SLC17A6: variants seen among roughly 807,000 people sequenced by gnomAD.
SLC17A6 encodes the protein vesicular glutamate transporter 2.
A neutral mutation model predicts 67.1 loss-of-function variants in SLC17A6; 35 were observed. That is an observed-to-expected ratio of 0.52 (90% CI 0.40 to 0.69). The LOEUF (loss-of-function observed/expected upper bound fraction) is 0.69. Among genes scored for constraint, SLC17A6 ranks in the 30% least tolerant of loss-of-function variants. SLC17A6 has a pLI of 0.00. For synonymous variants in SLC17A6, 285 were observed against 252.3 expected, an observed-to-expected ratio of 1.13 and a Z score of -1.23; for missense variants, 588 against 723.9, an observed-to-expected ratio of 0.81 and a Z score of 2.15.
intron 3 of SLC17A6, among the ~76,000 whole-genome samples, chr11:22,348,857 C>G (rs1043677444): frequency 6.3e-4 from 96 of 152,176 alleles, no homozygotes; most frequent in African/African-American, 2.1e-3. Context: ...GAATAATTTT[C>G]GAAAGGAGAA....
At chr11:22,368,998 A>C (rs192364020) in intron 7 of SLC17A6, among the ~76,000 whole-genome samples, 53 of 152,140 alleles carry the variant, frequency 3.5e-4, no homozygotes, top group African/African-American at 1.2e-3. Flanking sequence ...GCCACAACCA[A>C]TACTAGCAAT....
At position 22,341,429 on chromosome 11, in the gene SLC17A6, C is replaced by G. The variant is rs1276460675; in HGVS notation, c.87-99C>G. 8 of 1,516,910 alleles carry G rather than the reference C, an allele frequency of 5.3e-6. No homozygotes were observed. In the East Asian group the frequency reaches 1.4e-4, roughly 26 times the overall value. 94.0% of individuals were successfully genotyped at this position (1,516,910 alleles called of 1,614,324 possible). On this transcript the variant is annotated intron_variant, in intron 1 of 11. Transcript: ENST00000263160. ...CGAGGGTGGGGGGAGGTCGACGGCC[C>G]TCCTCCCAACCCCGACGGGTCCTGA...
chr11:22,377,330 G>GA (rs1856242331), intron 11 of SLC17A6, 75 bp from the exon 12 acceptor site: 1 of 1,319,156 alleles, frequency 7.6e-7, no homozygotes, highest in African/African-American at 1.5e-5. Flanking sequence ...CTCAGTGGTG[G>GA]TGCATTCAGA....
chr11:22,366,157 C>A (rs889376369), intron 7 of SLC17A6, among the ~76,000 whole-genome samples: 6 of 151,970 alleles, frequency 3.9e-5, no homozygotes, highest in Non-Finnish European at 5.9e-5. Flanking sequence ...TACATACATA[C>A]CTATGATAAA....
intron 8 of SLC17A6, among the ~76,000 whole-genome samples, chr11:22,374,458 C>T (rs113607332): frequency 1.3e-5 from 2 of 151,580 alleles, no homozygotes; most frequent in Non-Finnish European, 2.9e-5. Flanking sequence ...AGGGTGTATT[C>T]GTGCAAACAC....
In SLC17A6 at chr11:22,374,746, TTTC is replaced by T. The variant is rs1482549808; in HGVS notation, c.1042-8_1042-6del. 1 of 1,580,506 alleles carries T rather than the reference TTTC, an allele frequency of 6.3e-7. No homozygotes were observed. Among genetic ancestry groups the T allele is most frequent in the Non-Finnish European group, 8.6e-7 (1 of 1,165,684 alleles). On this transcript the variant is annotated splice_region_variant and splice_polypyrimidine_tract_variant and intron_variant, in intron 8 of 11. Coordinates refer to ENST00000263160, the MANE Select transcript of SLC17A6 (RefSeq NM_020346.3). ...ATGTCTATTTCTCTCCCTTCTTGTT[TTTC>T]ATCAGGTTGGTATGCTATCTGCTGT...
At chr11:22,350,470 C>A (rs1855925897) in intron 3 of SLC17A6, among the ~76,000 whole-genome samples, 1 of 151,756 alleles carries the variant, frequency 6.6e-6, no homozygotes, top group Admixed American at 6.6e-5. Flanking sequence ...AAAAAAAACC[C>A]AACAATTTTA....
intron 3 of SLC17A6, among the ~76,000 whole-genome samples, chr11:22,354,752 T>G (rs1037976263): frequency 1.3e-5 from 2 of 152,232 alleles, no homozygotes; most frequent in Non-Finnish European, 2.9e-5. Context: ...ATCTATATGA[T>G]GTTGGCAAGT....
chr11:22,340,769 A>T (rs1335827409), intron 1 of SLC17A6, among the ~76,000 whole-genome samples: 4 of 152,246 alleles, frequency 2.6e-5, no homozygotes, highest in African/African-American at 9.6e-5. Context: ...TAAGAAAAAA[A>T]AAATAGTAAG....
At chr11:22,349,982 A>T (rs1272127908) in intron 3 of SLC17A6, among the ~76,000 whole-genome samples, 1 of 152,158 alleles carries the variant, frequency 6.6e-6, no homozygotes, top group Non-Finnish European at 1.5e-5. Flanking sequence ...AAGTGGATTG[A>T]TTGATTTAGG....
intron 8 of SLC17A6, among the ~76,000 whole-genome samples, chr11:22,372,558 C>A (rs752953119): frequency 2.6e-5 from 4 of 151,982 alleles, no homozygotes; most frequent in Admixed American, 6.6e-5. Flanking sequence ...TCCTTTTGAG[C>A]TTCCTATTTA....
chr11:22,347,730 G>A (rs892829392), intron 3 of SLC17A6, among the ~76,000 whole-genome samples: 4 of 152,096 alleles, frequency 2.6e-5, no homozygotes, highest in Non-Finnish European at 4.4e-5. Context: ...CCTTTAAAGA[G>A]CTGTTTTAAA....
chr11:22,363,376 T>G (rs1856074179), intron 6 of SLC17A6, among the ~76,000 whole-genome samples: 1 of 152,248 alleles, frequency 6.6e-6, no homozygotes, highest in Non-Finnish European at 1.5e-5. Flanking sequence ...AAATAAAATA[T>G]GTAATCCTAA....
chr11:22,342,773 T>G (rs1403595863), intron 2 of SLC17A6, among the ~76,000 whole-genome samples: 1 of 152,192 alleles, frequency 6.6e-6, no homozygotes, highest in Admixed American at 6.5e-5. Context: ...CTAAAAGCCC[T>G]GCACCTTTCA....
intron 1 of SLC17A6, 56 bp downstream of exon 1, chr11:22,338,675 G>GCCGTTT: frequency 7.7e-7 from 1 of 1,298,584 alleles, no homozygotes. Context: ...AATCTGCAGG[G>GCCGTTT]CCGTTTCCGT....
At chr11:22,363,594 C>T (rs914580897) in intron 6 of SLC17A6, among the ~76,000 whole-genome samples, 3 of 152,126 alleles carry the variant, frequency 2.0e-5, no homozygotes, top group Non-Finnish European at 4.4e-5. Flanking sequence ...CAGTATCTGG[C>T]TGCTTCTAAA....
intron 7 of SLC17A6, among the ~76,000 whole-genome samples, chr11:22,367,187 C>T (rs1008856806): frequency 2.6e-5 from 4 of 151,896 alleles, no homozygotes; most frequent in African/African-American, 9.7e-5. Flanking sequence ...AAAACAAACA[C>T]CTCCTGCTCC....
In SLC17A6 at chr11:22,343,384, C is replaced by G. The variant is rs1855841382; in HGVS notation, c.458+19C>G. On this transcript the variant is annotated intron_variant, in intron 3 of 11. Transcript: ENST00000263160. ...CCAACAGGTAATGCGCCAGGCGGGA[C>G]TGGGGCTCGGGGCGTGGTGTTTGTT... 6.3e-7 allele frequency: 1 copy of G among 1,592,898 alleles called. No individual in the cohort carries two copies. The highest frequency in any genetic ancestry group is 1.4e-5 in the African/African-American group (1 of 73,914).
Position 22,374,821 on chromosome 11 carries a change from G to T in SLC17A6, c.1108G>T (p.Ala370Ser). 8.1e-6 allele frequency: 13 copies of T among 1,613,684 alleles called. No homozygotes were observed. The highest frequency in any genetic ancestry group is 1.0e-5 in the Non-Finnish European group (12 of 1,179,840). ...TIIVPIGGQI[A>S]DFLRSKQILS... ...TATTGTGCCTATTGGGGGACAAATT[G>T]CAGATTTTCTAAGAAGCAAGCAGAT... Residue 370 changes from alanine to serine, a missense_variant, in exon 9 of 12, where the codon GCA becomes TCA. Coordinates refer to ENST00000263160, the MANE Select transcript of SLC17A6 (RefSeq NM_020346.3).
Sources: allele counts gnomAD v4.1 joint callset (sites outside exome capture counted in the v4.1 genomes callset), GRCh38; gene constraint gnomAD v4.1.1; transcripts MANE v1.5; gene names NCBI Gene and HGNC (gene_info 2026-07-23, HGNC 2026-07-21).